Variants in DAPK2 observed in about 807,000 individuals in gnomAD.
DAPK2 encodes the protein death-associated protein kinase 2.
DAPK2 carries 35 observed loss-of-function variants against 44.1 expected under a neutral mutation model. That is an observed-to-expected ratio of 0.79 (90% CI 0.61 to 1.05). The LOEUF (loss-of-function observed/expected upper bound fraction) is 1.05. Among genes scored for constraint, DAPK2 ranks in the 50% least tolerant of loss-of-function variants. DAPK2 has a pLI of 0.00. For synonymous variants in DAPK2, 174 were observed against 182.6 expected (o/e 0.95, Z 0.38); for missense variants, 453 against 483.2 (o/e 0.94, Z 0.59).
chr15:64,031,854 T>A (rs332236), intron 1 of DAPK2, among the ~76,000 whole-genome samples: 4 of 152,022 alleles, frequency 2.6e-5, no homozygotes, highest in African/African-American at 4.8e-5. Context: ...AGAATTAAAC[T>A]CAATAATGTA....
In DAPK2 at chr15:63,980,065, G is replaced by C. The variant is rs2078459988; in HGVS notation, c.314+3468C>G. 6.6e-6 allele frequency among the ~76,000 whole-genome samples: 1 copy of C among 152,202 alleles called. No individual in the cohort carries two copies. On this transcript the variant is annotated intron_variant, in intron 2 of 10. Transcript: ENST00000261891. This position sits in a 1 kb window ranked among gnomAD's most constrained non-coding sequence, Gnocchi z 4.3. ...ATAAATTCTTAGCAGTCCATAGACA[G>C]GCACCCTGAGAACAATGAGACAGCT...
intron 10 of DAPK2, 191 bp downstream of exon 11, chr15:63,911,717 C>G: frequency 1.6e-6 from 1 of 627,748 alleles, no homozygotes; most frequent in East Asian, 2.8e-5. Context: ...CCGGCACCAC[C>G]CAGAGGTCCC....
chr15:63,986,669 G>A (rs1012791564), intron 1 of DAPK2, among the ~76,000 whole-genome samples: 1 of 152,130 alleles, frequency 6.6e-6, no homozygotes, highest in Non-Finnish European at 1.5e-5. Context: ...GCTCTATTCC[G>A]AGCAAGTAGC....
chr15:64,006,110 C>T (rs2079222412), intron 1 of DAPK2, among the ~76,000 whole-genome samples: 1 of 151,820 alleles, frequency 6.6e-6, no homozygotes, highest in South Asian at 2.1e-4. Context: ...GCATGGTTCT[C>T]CCTATGGCCT....
At chr15:63,999,279 C>G (rs537602837) in intron 1 of DAPK2, among the ~76,000 whole-genome samples, 1 of 152,200 alleles carries the variant, frequency 6.6e-6, no homozygotes, top group African/African-American at 2.4e-5. Flanking sequence ...TCAGGACTAT[C>G]CATGGGCCAG....
intron 1 of DAPK2, among the ~76,000 whole-genome samples, chr15:64,002,012 AAGT>A (rs1228427188): frequency 2.7e-5 from 4 of 150,486 alleles, no homozygotes; most frequent in Non-Finnish European, 1.5e-5. Context: ...CTGTGAATAA[AAGT>A]AGCCCTTGAA....
intron 1 of DAPK2, among the ~76,000 whole-genome samples, chr15:64,018,830 T>G (rs1477823916): frequency 6.6e-6 from 1 of 152,202 alleles, no homozygotes; most frequent in African/African-American, 2.4e-5. Flanking sequence ...GTTGCAAAAC[T>G]CTGAACCCTC....
chr15:64,036,307 G>GTATA, intron 1 of DAPK2, among the ~76,000 whole-genome samples: 1 of 53,140 alleles, frequency 1.9e-5, no homozygotes, highest in Non-Finnish European at 5.3e-5. Flanking sequence ...GTGTGTGTGT[G>GTATA]TGTATATATA....
chr15:64,010,422 AAC>A (rs2079358802), intron 1 of DAPK2, among the ~76,000 whole-genome samples: 1 of 152,244 alleles, frequency 6.6e-6, no homozygotes. Flanking sequence ...GTCCTCTGCC[AAC>A]TTTCCCAACT....
intron 1 of DAPK2, among the ~76,000 whole-genome samples, chr15:63,989,101 A>G (rs1320810107): frequency 6.7e-6 from 1 of 149,668 alleles, no homozygotes. Flanking sequence ...AATCACTTGA[A>G]CTCAGGAGGC....
intron 8 of DAPK2, chr15:63,922,525 A>G: frequency 7.4e-7 from 1 of 1,358,378 alleles, no homozygotes; most frequent in Non-Finnish European, 9.5e-7. Flanking sequence ...GCCCTGCCAG[A>G]GCCCTCCCAG....
intron 1 of DAPK2, among the ~76,000 whole-genome samples, chr15:64,034,162 T>A (rs949215320): frequency 9.2e-5 from 14 of 152,132 alleles, no homozygotes; most frequent in Non-Finnish European, 1.9e-4. Flanking sequence ...CGAACACCTA[T>A]GTTTGTTGTT....
At position 64,046,319 on chromosome 15, in the gene DAPK2, G is replaced by T; in HGVS notation, c.-28C>A. 1.0e-6 allele frequency: 1 copy of T among 958,962 alleles called. No individual in the cohort carries two copies. Among genetic ancestry groups the T allele is most frequent in the Non-Finnish European group, 1.2e-6 (1 of 815,038 alleles). The allele number at this position is 958,962 out of a possible 1,614,324, so 59.4% of individuals were successfully genotyped here. On this transcript the variant is annotated 5_prime_UTR_variant, in exon 1 of 12. Coordinates refer to the DAPK2 transcript ENST00000457488. This position sits in a 1 kb window ranked among gnomAD's most constrained non-coding sequence, Gnocchi z 5.3. ...TCACGGCGGGAGGCTGAGCTGCCGC[G>T]GTCGCGGCCGCGGCAGGCGCGGCGG...
chr15:63,936,471 C>T (rs574396662), intron 4 of DAPK2, among the ~76,000 whole-genome samples: 143 of 152,168 alleles, frequency 9.4e-4, no homozygotes, highest in African/African-American at 3.2e-3. Context: ...ATTAGCCAGA[C>T]GTGGTGGTGG....
chr15:64,039,877 C>G (rs541266103), intron 1 of DAPK2, among the ~76,000 whole-genome samples: 2 of 152,288 alleles, frequency 1.3e-5, no homozygotes, highest in South Asian at 4.1e-4. Context: ...CCTGGGGAAG[C>G]TTTATGAAAA....
chr15:64,002,953 T>G (rs2079124624), intron 1 of DAPK2, among the ~76,000 whole-genome samples: 2 of 126,998 alleles, frequency 1.6e-5, no homozygotes, highest in African/African-American at 6.2e-5. Context: ...TGTGTGTGTG[T>G]GTGTGTGTGT....
intron 1 of DAPK2, among the ~76,000 whole-genome samples, chr15:64,017,290 A>G (rs983915315): frequency 6.6e-6 from 1 of 152,230 alleles, no homozygotes; most frequent in African/African-American, 2.4e-5. Context: ...CCTCATCTAT[A>G]AAATGCAGCT....
chr15:63,997,222 T>C (rs2078973471), intron 1 of DAPK2, among the ~76,000 whole-genome samples: 2 of 152,246 alleles, frequency 1.3e-5, no homozygotes, highest in Non-Finnish European at 2.9e-5. Flanking sequence ...TTACAGGCTT[T>C]GGCACTGCCT....
intron 1 of DAPK2, among the ~76,000 whole-genome samples, chr15:63,989,102 C>G (rs1469649275): frequency 6.6e-6 from 1 of 150,414 alleles, no homozygotes. Context: ...ATCACTTGAA[C>G]TCAGGAGGCA....
Sources: allele counts gnomAD v4.1 joint callset (sites outside exome capture counted in the v4.1 genomes callset), GRCh38; gene constraint gnomAD v4.1.1; non-coding constraint Gnocchi (gnomAD v3.1); transcripts MANE v1.5; gene names NCBI Gene and HGNC (gene_info 2026-07-23, HGNC 2026-07-21).